MYO3B: variants seen among roughly 807,000 people sequenced by gnomAD.
MYO3B encodes the protein myosin IIIB, also known as myosin-IIIb.
Under a neutral mutation model 174.6 loss-of-function variants are expected in MYO3B, and 156 were observed. The ratio of observed to expected loss-of-function variants is 0.89; its 90% CI spans 0.78 to 1.02. The LOEUF (loss-of-function observed/expected upper bound fraction) is 1.02, where lower values mean the gene tolerates loss of function less well. MYO3B is among the 50% of genes least tolerant of loss of function. The pLI, the probability that MYO3B is intolerant of heterozygous loss-of-function variation, is 0.00. For synonymous variants in MYO3B, 563 were observed against 569.1 expected (o/e 0.99, Z 0.15); for missense variants, 1,632 against 1,639.4 (o/e 1.00, Z 0.08).
chr2:170,417,470 C>T (rs907764210), intron 22 of MYO3B, among the ~76,000 whole-genome samples: 37 of 152,216 alleles, frequency 2.4e-4, no homozygotes, highest in African/African-American at 8.7e-4. Flanking sequence ...CAAGTCTGGA[C>T]TCCCAATCTA....
chr2:170,389,558 T>C (rs983719572), intron 14 of MYO3B, among the ~76,000 whole-genome samples: 2 of 152,174 alleles, frequency 1.3e-5, no homozygotes, highest in African/African-American at 4.8e-5. Context: ...ACTGAAGTGA[T>C]GCTAGGGATG....
At chr2:170,361,978 G>A (rs1480449403) in intron 8 of MYO3B, among the ~76,000 whole-genome samples, 4 of 152,144 alleles carry the variant, frequency 2.6e-5, no homozygotes, top group Admixed American at 2.0e-4. Context: ...TAGAGATAGA[G>A]GGTAAAGAGG....
intron 22 of MYO3B, among the ~76,000 whole-genome samples, chr2:170,434,296 T>C (rs1045939793): frequency 3.3e-5 from 5 of 152,160 alleles, no homozygotes; most frequent in Non-Finnish European, 5.9e-5. Flanking sequence ...CTCAACTTGT[T>C]ATATATAAAG....
chr2:170,290,856 G>A (rs1464393685), intron 7 of MYO3B, among the ~76,000 whole-genome samples: 1 of 144,080 alleles, frequency 6.9e-6, no homozygotes, highest in South Asian at 2.3e-4. Context: ...TCATGCTGTG[G>A]TTACCATGAG....
chr2:170,623,083 T>C (rs1204793059), intron 32 of MYO3B, among the ~76,000 whole-genome samples: 1 of 152,232 alleles, frequency 6.6e-6, no homozygotes, highest in Admixed American at 6.5e-5. Context: ...TTTGGGTATA[T>C]ACCCAGTAAT....
At chr2:170,465,480 C>A (rs1684565689) in intron 24 of MYO3B, among the ~76,000 whole-genome samples, 1 of 152,148 alleles carries the variant, frequency 6.6e-6, no homozygotes, top group African/African-American at 2.4e-5. Context: ...CCCACTGGGC[C>A]CATTTCCAAC....
At chr2:170,591,194 C>T (rs1693800027) in intron 32 of MYO3B, among the ~76,000 whole-genome samples, 1 of 152,050 alleles carries the variant, frequency 6.6e-6, no homozygotes, top group Non-Finnish European at 1.5e-5. Flanking sequence ...TTTGATTGCT[C>T]TCCTTTGAGC....
intron 8 of MYO3B, chr2:170,347,802 T>C (rs2105585970): frequency 6.6e-6 from 1 of 152,334 alleles, no homozygotes; most frequent in Admixed American, 6.5e-5. Context: ...TTCAGTGGTA[T>C]TTAGTACATT....
chr2:170,429,085 A>G (rs1254865436), intron 22 of MYO3B, among the ~76,000 whole-genome samples: 1 of 152,202 alleles, frequency 6.6e-6, no homozygotes, highest in Non-Finnish European at 1.5e-5. Flanking sequence ...ACAAGGAAGC[A>G]TAGGTGTTGC....
At chr2:170,550,439 C>T (rs551896787) in intron 32 of MYO3B, among the ~76,000 whole-genome samples, 309 of 152,246 alleles carry the variant, frequency 2.0e-3, no homozygotes, top group South Asian at 2.9e-3. Context: ...GGCGGGGATT[C>T]GTATTGTTAT....
intron 22 of MYO3B, among the ~76,000 whole-genome samples, chr2:170,423,896 A>G (rs1267948024): frequency 6.6e-6 from 1 of 152,218 alleles, no homozygotes; most frequent in Admixed American, 6.5e-5. Flanking sequence ...AAAGCTTTTT[A>G]GCAGTTTCCT....
Position 170,274,792 on chromosome 2 carries a change from GC to G in MYO3B, c.749+38657del, listed in dbSNP as rs1018044150. 8.4e-4 allele frequency among the ~76,000 whole-genome samples: 128 copies of G among 152,060 alleles called. 2 individuals carry two copies. The highest frequency in any genetic ancestry group is 7.7e-3 in the Admixed American group (118 of 15,268). On this transcript the variant is annotated intron_variant, in intron 7 of 34. Transcript: ENST00000408978. ...TTAATAAACTTAACCTAATAAAGAA[GC>G]AATAAAAAAGAAAAAAACGCAAAGT...
chr2:170,321,346 C>A (rs1379377314), intron 7 of MYO3B, among the ~76,000 whole-genome samples: 1 of 151,694 alleles, frequency 6.6e-6, no homozygotes, highest in African/African-American at 2.4e-5. Flanking sequence ...CATAGTAGAA[C>A]CAATATATAA....
At chr2:170,252,113 T>C (rs538610302) in intron 7 of MYO3B, among the ~76,000 whole-genome samples, 1 of 152,208 alleles carries the variant, frequency 6.6e-6, no homozygotes, top group Non-Finnish European at 1.5e-5. Context: ...GGGAAATATG[T>C]TGCATCTTTG....
intron 9 of MYO3B, among the ~76,000 whole-genome samples, chr2:170,373,340 C>A (rs568414426): frequency 2.0e-5 from 3 of 152,216 alleles, no homozygotes; most frequent in African/African-American, 7.2e-5. Flanking sequence ...AGATATTACA[C>A]AAAGCTTCCA....
At chr2:170,381,917 A>G (rs373122102) in intron 9 of MYO3B, 99 bp from the exon 10 acceptor site, 15 of 963,140 alleles carry the variant, frequency 1.6e-5, no homozygotes, top group South Asian at 1.3e-4. Flanking sequence ...GTCTCTGAAC[A>G]TATCACGTGA....
rs374208297 is a variant in MYO3B at position 170,446,006 on chromosome 2, C to CAA, written c.2730+1969_2730+1970dup. ...TACCAATGGAAAAATCACAAAAATG[C>CAA]AAAAAAAAAATGTGGTACTTAAACA... On this transcript the variant is annotated intron_variant, in intron 23 of 34. Coordinates refer to ENST00000408978, the MANE Select transcript of MYO3B (RefSeq NM_138995.5). 4.4e-3 allele frequency among the ~76,000 whole-genome samples: 643 copies of CAA among 147,018 alleles called. 4 individuals are homozygous for CAA. Among genetic ancestry groups the CAA allele is most frequent in the African/African-American group, 0.016 (628 of 40,126 alleles).
intron 32 of MYO3B, among the ~76,000 whole-genome samples, chr2:170,551,266 A>G (rs1304863316): frequency 6.6e-6 from 1 of 151,920 alleles, no homozygotes; most frequent in African/African-American, 2.4e-5. Context: ...ACCTGGCTGT[A>G]GTATATTCTC....
intron 14 of MYO3B, among the ~76,000 whole-genome samples, chr2:170,390,891 A>G (rs565530576): frequency 3.3e-5 from 5 of 152,338 alleles, no homozygotes; most frequent in African/African-American, 9.6e-5. Context: ...ACGTCTAGGC[A>G]TGTACTTACC....
Sources: allele counts gnomAD v4.1 joint callset (sites outside exome capture counted in the v4.1 genomes callset), GRCh38; gene constraint gnomAD v4.1.1; transcripts MANE v1.5; gene names NCBI Gene and HGNC (gene_info 2026-07-23, HGNC 2026-07-21).